KLHL1: variants seen among roughly 807,000 people sequenced by gnomAD.
KLHL1 encodes the protein kelch like family member 1.
A neutral mutation model predicts 77.7 loss-of-function variants in KLHL1; 47 were observed. The ratio of observed to expected loss-of-function variants is 0.60; its 90% CI spans 0.48 to 0.77. The LOEUF is 0.77. Ranked by LOEUF, KLHL1 falls within the 30% of genes least tolerant of loss-of-function variation. The probability of loss-of-function intolerance (pLI) is 0.00; values close to 1 mark genes in which losing one functional copy is unlikely to be tolerated. For synonymous variants in KLHL1, 360 were observed against 325.2 expected, an observed-to-expected ratio of 1.11 and a Z score of -1.15; for missense variants, 925 against 910.8, an observed-to-expected ratio of 1.02 and a Z score of -0.20.
chr13:69,748,547 A>G (rs771393031), intron 7 of KLHL1, among the ~76,000 whole-genome samples: 2 of 151,970 alleles, frequency 1.3e-5, no homozygotes, highest in Non-Finnish European at 2.9e-5. Context: ...TGTGAGAATT[A>G]TGGGAGTATA....
At chr13:69,821,801 C>A (rs1364886194) in intron 6 of KLHL1, among the ~76,000 whole-genome samples, 1 of 152,158 alleles carries the variant, frequency 6.6e-6, no homozygotes, top group East Asian at 1.9e-4. Context: ...CATAAATAAT[C>A]ATCACATAAA....
At chr13:69,924,510 G>T (rs979812749) in intron 4 of KLHL1, among the ~76,000 whole-genome samples, 2 of 152,114 alleles carry the variant, frequency 1.3e-5, no homozygotes, top group Non-Finnish European at 2.9e-5. Context: ...CACCCTAGCT[G>T]CAGAGTGAAG....
intron 8 of KLHL1, among the ~76,000 whole-genome samples, chr13:69,725,442 C>A (rs767954242): frequency 2.6e-5 from 4 of 152,200 alleles, no homozygotes; most frequent in Non-Finnish European, 4.4e-5. Context: ...CTTCTCACAT[C>A]TCATAGGTCA....
At chr13:70,006,878 A>G (rs1005120293) in intron 1 of KLHL1, among the ~76,000 whole-genome samples, 5 of 152,090 alleles carry the variant, frequency 3.3e-5, no homozygotes, top group Non-Finnish European at 7.4e-5. Flanking sequence ...AAAACTATAA[A>G]TAATCATACA....
chr13:69,740,431 C>A lies in KLHL1; in HGVS notation c.1765G>T (p.Ala589Ser), dbSNP rs1873938928. 1.2e-6 allele frequency: 2 copies of A among 1,610,194 alleles called. No homozygotes were observed. Among genetic ancestry groups the A allele is most frequent in the Non-Finnish European group, 1.7e-6 (2 of 1,177,372 alleles). ...QWTFVASMSI[A>S]RSTVGVAALN... ...GCTGCTACACCAACTGTGCTCCGAGCAATTGACATACTGGCTACAAATGTC... is the reference window on the plus strand; with the variant it reads ...GCTGCTACACCAACTGTGCTCCGAGAAATTGACATACTGGCTACAAATGTC... Residue 589 changes from alanine (A) to serine (S), a missense_variant, in exon 8 of 11, where the codon GCT (alanine) becomes TCT (serine). Physicochemically the swap from Ala to Ser is moderately conservative, Grantham distance 99. Coordinates refer to ENST00000377844, the MANE Select transcript of KLHL1 (RefSeq NM_020866.3).
At chr13:69,816,412 C>A in intron 6 of KLHL1, among the ~76,000 whole-genome samples, 1 of 151,588 alleles carries the variant, frequency 6.6e-6, no homozygotes, top group East Asian at 1.9e-4. Flanking sequence ...AGGCATGTGC[C>A]GCCACGCCTG....
At chr13:70,046,218 A>AG (rs1057408406) in intron 1 of KLHL1, among the ~76,000 whole-genome samples, 3 of 151,818 alleles carry the variant, frequency 2.0e-5, no homozygotes, top group African/African-American at 7.3e-5. Flanking sequence ...CATAAGTGTG[A>AG]GAAAAAAAAA....
chr13:69,820,340 C>T (rs1182616066), intron 6 of KLHL1, among the ~76,000 whole-genome samples: 1 of 152,124 alleles, frequency 6.6e-6, no homozygotes, highest in East Asian at 1.9e-4. Context: ...AATTTTACTA[C>T]TAACTCTTCA....
intron 7 of KLHL1, among the ~76,000 whole-genome samples, chr13:69,749,037 T>C (rs1370659744): frequency 6.6e-6 from 1 of 152,052 alleles, no homozygotes; most frequent in Non-Finnish European, 1.5e-5. Flanking sequence ...TATAAAGGAA[T>C]ATATTTTTGT....
chr13:69,933,600 A>G (rs1883076859), intron 4 of KLHL1, among the ~76,000 whole-genome samples: 1 of 152,158 alleles, frequency 6.6e-6, no homozygotes, highest in Non-Finnish European at 1.5e-5. Flanking sequence ...TACTACTACC[A>G]GATTCTGAAA....
intron 1 of KLHL1, among the ~76,000 whole-genome samples, chr13:70,066,079 CA>C (rs1296906753): frequency 6.6e-6 from 1 of 152,058 alleles, no homozygotes; most frequent in African/African-American, 2.4e-5. Context: ...CATAATTATT[CA>C]AAATAAACAG....
intron 3 of KLHL1, among the ~76,000 whole-genome samples, chr13:69,953,906 TTGAG>T (rs1481946363): frequency 5.3e-5 from 8 of 151,278 alleles, no homozygotes; most frequent in East Asian, 3.9e-4. Context: ...ATCATCATAA[TTGAG>T]TGTTTGCTGC....
chr13:69,779,209 A>G (rs758543091), intron 7 of KLHL1, among the ~76,000 whole-genome samples: 25 of 152,230 alleles, frequency 1.6e-4, no homozygotes, highest in Non-Finnish European at 3.4e-4. Context: ...AAAAGACACC[A>G]GGGAATACCT....
intron 5 of KLHL1, among the ~76,000 whole-genome samples, chr13:69,880,230 T>C (rs567535806): frequency 6.6e-6 from 1 of 152,326 alleles, no homozygotes; most frequent in East Asian, 1.9e-4. Context: ...ATCTTTACTT[T>C]GCATCTGTTT....
At chr13:70,071,383 G>A (rs1429503336) in intron 1 of KLHL1, among the ~76,000 whole-genome samples, 2 of 151,906 alleles carry the variant, frequency 1.3e-5, no homozygotes, top group Non-Finnish European at 2.9e-5. Flanking sequence ...AGAACTCCAA[G>A]GAAAAATAGA....
chr13:69,843,821 A>G (rs1389621552), intron 5 of KLHL1, among the ~76,000 whole-genome samples: 2 of 151,532 alleles, frequency 1.3e-5, no homozygotes, highest in African/African-American at 4.8e-5. Context: ...CTTTTTTTTT[A>G]TACTTTAAGT....
intron 7 of KLHL1, among the ~76,000 whole-genome samples, chr13:69,748,317 G>T (rs182701828): frequency 1.4e-3 from 214 of 152,100 alleles, no homozygotes; most frequent in Non-Finnish European, 3.5e-4. Flanking sequence ...GGTTTAATTT[G>T]ACTTTCAGTT....
intron 4 of KLHL1, among the ~76,000 whole-genome samples, chr13:69,896,136 C>G (rs561999062): frequency 2.8e-4 from 43 of 152,230 alleles, no homozygotes; most frequent in Non-Finnish European, 2.9e-4. Context: ...ACACTTCTCA[C>G]ATTGGTTGGT....
chr13:69,890,168 A>G (rs986822735), intron 4 of KLHL1, among the ~76,000 whole-genome samples: 1 of 152,050 alleles, frequency 6.6e-6, no homozygotes, highest in Non-Finnish European at 1.5e-5. Flanking sequence ...AGTGATTTGA[A>G]GAGGGTGACA....
Sources: gnomAD v4.1 joint callset for allele counts (sites outside exome capture counted in the v4.1 genomes callset) on GRCh38, gnomAD v4.1.1 for gene constraint, MANE v1.5 for transcripts, NCBI Gene and HGNC (gene_info 2026-07-23, HGNC 2026-07-21) for gene names.